PTPN14: variants seen among roughly 807,000 people sequenced by gnomAD.
The protein encoded by PTPN14 is protein tyrosine phosphatase non-receptor type 14.
PTPN14 carries 53 observed loss-of-function variants against 126.8 expected under a neutral mutation model. The ratio of observed to expected loss-of-function variants is 0.42; its 90% CI spans 0.34 to 0.53. The LOEUF is 0.53. PTPN14 is among the 20% of genes least tolerant of loss of function. The pLI, the probability that PTPN14 is intolerant of heterozygous loss-of-function variation, is 0.08. For missense variants in PTPN14, 1,257 were observed against 1,552.9 expected (o/e 0.81, Z 3.20); for synonymous variants, 630 against 599.3 (o/e 1.05, Z -0.75).
chr1:214,468,720 A>G (rs1178934651), intron 1 of PTPN14, among the ~76,000 whole-genome samples: 1 of 152,192 alleles, frequency 6.6e-6, no homozygotes, highest in African/African-American at 2.4e-5. Flanking sequence ...TATATACCTA[A>G]AAGTTTTCAT....
intron 3 of PTPN14, among the ~76,000 whole-genome samples, chr1:214,422,460 C>T (rs1015004534): frequency 6.6e-6 from 1 of 152,306 alleles, no homozygotes; most frequent in African/African-American, 2.4e-5. Context: ...ATCCCTCTTA[C>T]ACTAGCAATA....
intron 1 of PTPN14, among the ~76,000 whole-genome samples, chr1:214,501,115 C>T (rs1397888628): frequency 1.3e-5 from 2 of 152,162 alleles, no homozygotes; most frequent in East Asian, 1.9e-4. Context: ...TAGCGCAATT[C>T]GTCTCATGGA....
At chr1:214,502,277 G>A (rs1048820501) in intron 1 of PTPN14, among the ~76,000 whole-genome samples, 4 of 151,956 alleles carry the variant, frequency 2.6e-5, no homozygotes, top group Non-Finnish European at 5.9e-5. Context: ...GGGTCATTTT[G>A]AAAAAGTTTT....
Position 214,364,206 on chromosome 1 carries a change from C to T in PTPN14, c.3435+306G>A, listed in dbSNP as rs11120303. Among the ~76,000 whole-genome samples the T allele has an allele frequency of 0.15, 22,086 of 152,120 alleles. 2,067 individuals carry two copies. Among genetic ancestry groups the T allele is most frequent in the East Asian group, 0.24 (1,225 of 5,154 alleles). ...GAAAATTACCCACAATAAAACCAGG[C>T]TATCTACAAAATGCCAAAGACTTCT... On this transcript the variant is annotated intron_variant, in intron 18 of 18. Coordinates refer to ENST00000366956, the MANE Select transcript of PTPN14 (RefSeq NM_005401.5). This position sits in a 1 kb window ranked among gnomAD's most constrained non-coding sequence, Gnocchi z 4.1.
At chr1:214,412,821 A>AT (rs111980607) in intron 4 of PTPN14, among the ~76,000 whole-genome samples, 34 of 152,296 alleles carry the variant, frequency 2.2e-4, no homozygotes, top group African/African-American at 8.2e-4. Flanking sequence ...AAGCCTAATG[A>AT]TTGAGTAGTG....
rs1388709747 is a variant in PTPN14 at position 214,394,881 on chromosome 1, T to C, written c.846+18A>G. On this transcript the variant is annotated intron_variant, in intron 9 of 18. Transcript: ENST00000366956. ...CCAGTGTCTTGTCAGACCCTGACTG[T>C]TTGTCTGTTGTGCTTACCGTGTGAA... is the stretch of plus-strand genomic sequence containing the variant. 1 of 1,598,002 alleles carries C rather than the reference T, an allele frequency of 6.3e-7. No homozygotes were observed. The highest frequency in any genetic ancestry group is 8.6e-7 in the Non-Finnish European group (1 of 1,165,438).
intron 9 of PTPN14, 145 bp from the exon 10 acceptor site, chr1:214,393,922 G>C (rs1019738507): frequency 1.5e-6 from 1 of 678,550 alleles, no homozygotes; most frequent in Non-Finnish European, 2.5e-6. Flanking sequence ...AGGTAAACCA[G>C]CCTGCTGAAT....
At chr1:214,513,483 G>T (rs1173728420) in intron 1 of PTPN14, among the ~76,000 whole-genome samples, 1 of 151,710 alleles carries the variant, frequency 6.6e-6, no homozygotes, top group Admixed American at 6.6e-5. Context: ...CTGAATTTCA[G>T]TCTAGGCACA....
intron 17 of PTPN14, among the ~76,000 whole-genome samples, chr1:214,367,643 G>A (rs886609097): frequency 1.3e-5 from 2 of 152,168 alleles, no homozygotes; most frequent in African/African-American, 4.8e-5. Flanking sequence ...CAGGCACAAG[G>A]CTACAGGGAG....
At chr1:214,541,538 C>G (rs182750241) in intron 1 of PTPN14, among the ~76,000 whole-genome samples, 154 of 152,234 alleles carry the variant, frequency 1.0e-3, no homozygotes, top group Middle Eastern at 3.4e-3. Flanking sequence ...TGGAAGTCAA[C>G]CAGGCCAATG....
chr1:214,527,344 G>A (rs12127340), intron 1 of PTPN14, among the ~76,000 whole-genome samples: 2,493 of 152,208 alleles, frequency 0.016, 23 homozygotes, highest in South Asian at 0.029. Context: ...AGTAACCAAT[G>A]CCAACTTAGA....
intron 1 of PTPN14, among the ~76,000 whole-genome samples, chr1:214,485,367 A>C (rs1220741715): frequency 6.6e-6 from 1 of 152,250 alleles, no homozygotes; most frequent in Non-Finnish European, 1.5e-5. Flanking sequence ...GATCCCCTTG[A>C]CTGCATTGAA....
In PTPN14 at chr1:214,373,821, G is replaced by A. The variant is rs117375451; in HGVS notation, c.2908-982C>T. ...ACTGCTGCTCTGTGGTGCCATGCAC[G>A]GCAGAGATGCTACGAATGCTCTTGT... On this transcript the variant is annotated intron_variant, in intron 15 of 18. Transcript: ENST00000366956. Among the ~76,000 whole-genome samples the A allele has an allele frequency of 5.0e-4, 76 of 152,204 alleles. No homozygotes were observed. The East Asian group carries it at 8.1e-3, about 16-fold the overall frequency.
At chr1:214,362,955 C>T (rs2102507807) in intron 18 of PTPN14, among the ~76,000 whole-genome samples, 1 of 152,352 alleles carries the variant, frequency 6.6e-6, no homozygotes, top group Non-Finnish European at 1.5e-5. Flanking sequence ...GCCATGCACA[C>T]ACTGATTCTA....
chr1:214,352,659 T>C lies in PTPN14; in HGVS notation c.*5263A>G, dbSNP rs1657728094. On this transcript the variant is annotated 3_prime_UTR_variant, in exon 19 of 19. Transcript: ENST00000366956. ...GAGAAGTATCAAATGCAGTTTAACA[T>C]CTTACAGCTTTATTTCCACCCTATA... The C allele has an allele frequency of 6.6e-6, 1 of 152,212 alleles. No homozygotes were observed. The highest frequency in any genetic ancestry group is 1.5e-5 in the Non-Finnish European group (1 of 68,032). 9.4% of individuals were successfully genotyped at this position (152,212 alleles called of 1,614,324 possible).
intron 3 of PTPN14, among the ~76,000 whole-genome samples, chr1:214,449,164 G>A (rs1440551906): frequency 2.3e-4 from 34 of 150,856 alleles, no homozygotes; most frequent in African/African-American, 6.3e-4. Context: ...CCACCACCAC[G>A]CCCGGCTAAT....
chr1:214,425,830 T>C (rs1434445655), intron 3 of PTPN14, among the ~76,000 whole-genome samples: 1 of 152,010 alleles, frequency 6.6e-6, no homozygotes, highest in Non-Finnish European at 1.5e-5. Context: ...AGAATTGTCA[T>C]GTATAATATT....
In PTPN14 at chr1:214,355,863, CA is replaced by C; in HGVS notation, c.*2058del. On this transcript the variant is annotated 3_prime_UTR_variant, in exon 19 of 19. Transcript: ENST00000366956. The stretch of plus-strand genomic sequence containing the variant: ...GGACAAAAGCAGCAATGAAGAAAGG[CA>C]TATGGAACTCTCACAGCAGTCAATT... 1 of 151,722 alleles carries C rather than the reference CA, an allele frequency of 6.6e-6. No homozygotes were observed. Among genetic ancestry groups the C allele is most frequent in the South Asian group, 2.1e-4 (1 of 4,792 alleles). 9.4% of individuals were successfully genotyped at this position (151,722 alleles called of 1,614,324 possible). A position where few individuals can be genotyped will look rare whatever the true frequency, so the allele number is the denominator to read the frequency against.
intron 1 of PTPN14, among the ~76,000 whole-genome samples, chr1:214,501,293 G>A (rs1654688908): frequency 6.6e-6 from 1 of 152,110 alleles, no homozygotes; most frequent in African/African-American, 2.4e-5. Flanking sequence ...CCAGACTGCA[G>A]TCCAGTGGCA....
Sources: allele counts gnomAD v4.1 joint callset (sites outside exome capture counted in the v4.1 genomes callset), GRCh38; gene constraint gnomAD v4.1.1; non-coding constraint Gnocchi (gnomAD v3.1); transcripts MANE v1.5; gene names NCBI Gene and HGNC (gene_info 2026-07-23, HGNC 2026-07-21).